NMNAT1: variants seen among roughly 807,000 people sequenced by gnomAD.
NMNAT1 encodes nicotinamide/nicotinic acid mononucleotide adenylyltransferase 1.
A neutral mutation model predicts 16.7 loss-of-function variants in NMNAT1; 11 were observed. The ratio of observed to expected loss-of-function variants is 0.66; its 90% confidence interval spans 0.41 to 1.09. The LOEUF (loss-of-function observed/expected upper bound fraction) is 1.09. Among genes scored for constraint, NMNAT1 ranks in the 50% least tolerant of loss-of-function variants. The pLI, the probability that NMNAT1 is intolerant of heterozygous loss-of-function variation, is 0.00. For synonymous variants in NMNAT1, 110 were observed against 119.8 expected, an observed-to-expected ratio of 0.92 and a Z score of 0.53; for missense variants, 280 against 332.3, an observed-to-expected ratio of 0.84 and a Z score of 1.22.
intron 3 of NMNAT1, among the ~76,000 whole-genome samples, chr1:9,978,592 A>G (rs1391195360): frequency 6.6e-6 from 1 of 152,164 alleles, no homozygotes; most frequent in East Asian, 1.9e-4. Context: ...CAGGGAGAAG[A>G]GTCTCCACTG....
Position 9,975,756 on chromosome 1 carries a change from G to A in NMNAT1, c.280G>A (p.Glu94Lys). The A allele has an allele frequency of 6.2e-7, 1 of 1,613,546 alleles. No homozygotes were observed. Among genetic ancestry groups the A allele is most frequent in the Non-Finnish European group, 8.5e-7 (1 of 1,179,748 alleles). The change falls in exon 3 of 5, where the codon GAG (glutamate) becomes AAG (lysine). Residue 94 changes from glutamate to lysine, a missense_variant. Coordinates refer to ENST00000377205, the MANE Select transcript of NMNAT1 (RefSeq NM_022787.4). ...TWESLQKEWK[E>K]TLKVLRHHQE... ...GGAAAGTCTTCAGAAGGAGTGGAAA[G>A]AGACTCTGAAGGTGCTAAGGTATTT... is the stretch of plus-strand genomic sequence containing the variant.
At chr1:9,971,353 C>T (rs1218613742) in intron 1 of NMNAT1, among the ~76,000 whole-genome samples, 4 of 151,904 alleles carry the variant, frequency 2.6e-5, no homozygotes, top group South Asian at 2.1e-4. Flanking sequence ...CTCTCTCTGT[C>T]GCCAGGCTGG....
At chr1:9,966,951 C>T (rs1641559011) in intron 1 of NMNAT1, among the ~76,000 whole-genome samples, 1 of 152,090 alleles carries the variant, frequency 6.6e-6, no homozygotes, top group African/African-American at 2.4e-5. Flanking sequence ...GGGCTGGGCA[C>T]AGTGGCTCGA....
At chr1:9,985,702 A>G (rs7525933), downstream of NMNAT1, among the ~76,000 whole-genome samples, 146,762 of 152,228 alleles carry the variant, frequency 0.96, 70,968 homozygotes, top group East Asian at 1. Flanking sequence ...TTGCTGTGTC[A>G]CCCAGGCTGG....
chr1:9,947,640 T>C (rs982224636), intron 1 of NMNAT1: 1 of 152,238 alleles, frequency 6.6e-6, no homozygotes, highest in Non-Finnish European at 1.5e-5. Flanking sequence ...TACTGTTCTT[T>C]TAGCTGCTTA....
chr1:9,990,427 C>T (rs1293142644), downstream of NMNAT1, among the ~76,000 whole-genome samples: 1 of 152,196 alleles, frequency 6.6e-6, no homozygotes, highest in Non-Finnish European at 1.5e-5. Flanking sequence ...ATCAAAGAAA[C>T]ATCTTTTCCA....
At chr1:9,992,569 G>C in the NMNAT1 span, among the ~76,000 whole-genome samples, 1 of 152,054 alleles carries the variant, frequency 6.6e-6, no homozygotes, top group Non-Finnish European at 1.5e-5. Flanking sequence ...GCAGAGGCCA[G>C]GGGCGTTTAG....
intron 1 of NMNAT1, among the ~76,000 whole-genome samples, chr1:9,962,352 G>A (rs1332252226): frequency 1.3e-5 from 2 of 151,454 alleles, no homozygotes; most frequent in Admixed American, 6.6e-5. Context: ...CGTAGTGGTG[G>A]GCGCCTGCAG....
At chr1:9,977,067 C>A (rs1029019074) in intron 3 of NMNAT1, among the ~76,000 whole-genome samples, 1 of 151,250 alleles carries the variant, frequency 6.6e-6, no homozygotes, top group South Asian at 2.1e-4. Context: ...CCACCACGCC[C>A]GGCTAATTTT....
At chr1:9,964,576 T>C (rs1037207826) in intron 1 of NMNAT1, among the ~76,000 whole-genome samples, 2 of 152,018 alleles carry the variant, frequency 1.3e-5, no homozygotes, top group African/African-American at 2.4e-5. Flanking sequence ...TTCTATACTT[T>C]TGTTTTTGTA....
chr1:9,980,494 GC>G (rs1557474566), intron 3 of NMNAT1, among the ~76,000 whole-genome samples: 1 of 150,720 alleles, frequency 6.6e-6, no homozygotes, highest in Non-Finnish European at 1.5e-5. Flanking sequence ...GTGGTGGTGC[GC>G]CCCTGTAATC....
intron 1 of NMNAT1, among the ~76,000 whole-genome samples, chr1:9,956,896 TAA>T: frequency 6.6e-6 from 1 of 151,760 alleles, no homozygotes; most frequent in Non-Finnish European, 1.5e-5. Context: ...CATGCCTGGA[TAA>T]TTTTTGTATT....
chr1:9,973,919 C>T (rs543183948), intron 2 of NMNAT1, among the ~76,000 whole-genome samples: 7 of 150,894 alleles, frequency 4.6e-5, no homozygotes, highest in African/African-American at 1.7e-4. Flanking sequence ...CTCACTGCAA[C>T]CTCCACCTCC....
At chr1:9,961,829 T>C (rs1252090596) in intron 1 of NMNAT1, among the ~76,000 whole-genome samples, 1 of 152,044 alleles carries the variant, frequency 6.6e-6, no homozygotes, top group Non-Finnish European at 1.5e-5. Context: ...TGGAGTGCAA[T>C]GGCATGATCT....
chr1:9,950,556 A>C (rs1161272765), intron 1 of NMNAT1: 1 of 152,274 alleles, frequency 6.6e-6, no homozygotes, highest in East Asian at 1.9e-4. Flanking sequence ...GACAGGAAAA[A>C]CAGGACCCAG....
chr1:9,994,785 T>C, the NMNAT1 span, among the ~76,000 whole-genome samples: 30 of 152,008 alleles, frequency 2.0e-4, no homozygotes, highest in African/African-American at 7.2e-4. Context: ...CTAATTTTTT[T>C]GTATTTTTAG....
At chr1:9,948,402 T>G (rs1641027617) in intron 1 of NMNAT1, among the ~76,000 whole-genome samples, 1 of 151,984 alleles carries the variant, frequency 6.6e-6, no homozygotes, top group Non-Finnish European at 1.5e-5. Flanking sequence ...TAGTGAAACC[T>G]TATCTCTACA....
At chr1:9,955,740 A>G (rs945519433) in intron 1 of NMNAT1, 2 of 152,158 alleles carry the variant, frequency 1.3e-5, no homozygotes, top group Non-Finnish European at 2.9e-5. Flanking sequence ...GCTCTGTCCT[A>G]CCAATTTTTG....
At chr1:9,994,493 C>T in the NMNAT1 span, among the ~76,000 whole-genome samples, 1 of 152,102 alleles carries the variant, frequency 6.6e-6, no homozygotes, top group African/African-American at 2.4e-5. Context: ...TGCAATGGCA[C>T]GGTCTTGGCT....
Sources: gnomAD v4.1 joint callset for allele counts (sites outside exome capture counted in the v4.1 genomes callset) on GRCh38, gnomAD v4.1.1 for gene constraint, MANE v1.5 for transcripts, NCBI Gene and HGNC (gene_info 2026-07-23, HGNC 2026-07-21) for gene names.